Variants in SERPINH1 observed in about 807,000 individuals in gnomAD.
The protein encoded by SERPINH1 is serpin family H member 1.
Under a neutral mutation model 32.3 loss-of-function variants are expected in SERPINH1, and 22 were observed. The observed-to-expected ratio is 0.68, with a 90% confidence interval of 0.49 to 0.97. The LOEUF (loss-of-function observed/expected upper bound fraction) is 0.97. Among genes scored for constraint, SERPINH1 ranks in the 50% least tolerant of loss-of-function variants. The pLI is 0.00. For synonymous variants in SERPINH1, 251 were observed against 245.9 expected, an observed-to-expected ratio of 1.02 and a Z score of -0.19; for missense variants, 543 against 576.4, an observed-to-expected ratio of 0.94 and a Z score of 0.59.
intron 2 of SERPINH1, among the ~76,000 whole-genome samples, chr11:75,567,259 A>G (rs1175935523): frequency 6.6e-6 from 1 of 152,252 alleles, no homozygotes; most frequent in Non-Finnish European, 1.5e-5. Flanking sequence ...CTTGGAATGA[A>G]TAACATTTAA....
Position 75,569,036 on chromosome 11 carries a change from T to G in SERPINH1, c.819T>G (p.His273Gln). ...KLSSLIILMP[H>Q]HVEPLERLEK... is the part of the protein sequence containing the mutation. ...CCAGCCTCATCATCCTCATGCCCCATCACGTGGAGCCTCTCGAGCGCCTTG... is the reference window on the plus strand; with the variant it reads ...CCAGCCTCATCATCCTCATGCCCCAGCACGTGGAGCCTCTCGAGCGCCTTG... Residue 273 changes from histidine to glutamine, a missense_variant, in exon 4 of 5, where the codon CAT (histidine) becomes CAG (glutamine). Coordinates refer to ENST00000358171, the MANE Select transcript of SERPINH1 (RefSeq NM_001235.5). The G allele has an allele frequency of 6.2e-7, 1 of 1,614,148 alleles. No homozygotes were observed. Among genetic ancestry groups the G allele is most frequent in the South Asian group, 1.1e-5 (1 of 91,076 alleles).
chr11:75,570,292 A>G (rs2135556199), intron 4 of SERPINH1, among the ~76,000 whole-genome samples: 1 of 152,286 alleles, frequency 6.6e-6, no homozygotes, highest in East Asian at 1.9e-4. Flanking sequence ...AAAGCTGGAG[A>G]TGAAGTGGGG....
intron 4 of SERPINH1, 83 bp downstream of exon 4, chr11:75,569,254 G>A (rs1942156177): frequency 1.9e-6 from 2 of 1,027,648 alleles, no homozygotes; most frequent in East Asian, 2.6e-5. Flanking sequence ...AATTCAGCAG[G>A]TCTGTCCCAA....
chr11:75,566,716 G>T lies in SERPINH1; in HGVS notation c.367G>T (p.Ala123Ser), dbSNP rs749500041. 46 of 1,612,352 alleles carry T rather than the reference G, an allele frequency of 2.9e-5. No homozygotes were observed. Among genetic ancestry groups the T allele is most frequent in the Non-Finnish European group, 3.7e-5 (44 of 1,179,542 alleles). Residue 123 changes from alanine (A) to serine (S), a missense_variant, in exon 2 of 5, where the codon GCG (alanine) becomes TCG (serine). Ala to Ser is a moderately conservative substitution (Grantham distance 99, BLOSUM62 1). Transcript: ENST00000358171. ...GCTGCGCTCACTCAGCAACTCCACGGCGCGCAACGTGACCTGGAAGCTGGG... is the reference window on the plus strand; with the variant it reads ...GCTGCGCTCACTCAGCAACTCCACGTCGCGCAACGTGACCTGGAAGCTGGG... ...ELLRSLSNST[A>S]RNVTWKLGSR...
chr11:75,571,690 G>A, intron 4 of SERPINH1, 91 bp from the exon 5 acceptor site: 1 of 1,217,108 alleles, frequency 8.2e-7, no homozygotes, highest in Non-Finnish European at 1.2e-6. Context: ...TCCTCTCTGA[G>A]GAGCGGTCAG....
Position 75,562,258 on chromosome 11 carries a change from T to C in SERPINH1, c.-96T>C, listed in dbSNP as rs1198680534. 6.6e-6 allele frequency: 1 copy of C among 151,188 alleles called. No homozygotes were observed. The highest frequency in any genetic ancestry group is 1.5e-5 in the Non-Finnish European group (1 of 67,860). 9.4% of individuals were successfully genotyped at this position (151,188 alleles called of 1,614,324 possible). ...CGGGAGCAGGGGAGCGGGCTAAGAGTAGAATCGTGTCGCGGCTCGAGAGCG... is the reference window on the plus strand; with the variant it reads ...CGGGAGCAGGGGAGCGGGCTAAGAGCAGAATCGTGTCGCGGCTCGAGAGCG... On this transcript the variant is annotated 5_prime_UTR_variant, in exon 1 of 5. Coordinates refer to ENST00000358171, the MANE Select transcript of SERPINH1 (RefSeq NM_001235.5).
chr11:75,569,354 A>G (rs1942157841), intron 4 of SERPINH1, 183 bp downstream of exon 4: 2 of 602,948 alleles, frequency 3.3e-6, no homozygotes. Context: ...AGATGATGAT[A>G]ATACCAGCAG....
At chr11:75,569,827 C>G (rs1942167082) in intron 4 of SERPINH1, among the ~76,000 whole-genome samples, 1 of 152,152 alleles carries the variant, frequency 6.6e-6, no homozygotes, top group Non-Finnish European at 1.5e-5. Flanking sequence ...GGTTAAGTAA[C>G]CTGTGCAAAG....
intron 2 of SERPINH1, 71 bp downstream of exon 2, chr11:75,567,042 C>T (rs1190969476): frequency 6.7e-7 from 1 of 1,488,538 alleles, no homozygotes; most frequent in Non-Finnish European, 9.1e-7. Flanking sequence ...GGACGACATT[C>T]CGTGCGCTCC....
At position 75,568,849 on chromosome 11, in the gene SERPINH1, G is replaced by C. The variant is rs1295479978; in HGVS notation, c.721+20G>C. 6.2e-7 allele frequency: 1 copy of C among 1,609,774 alleles called. No homozygotes were observed. The highest frequency in any genetic ancestry group is 8.5e-7 in the Non-Finnish European group (1 of 1,176,038). On this transcript the variant is annotated intron_variant, in intron 3 of 4. Transcript: ENST00000358171. The stretch of plus-strand genomic sequence containing the variant: ...GGACAGGTAGGTGCTGTGAGGAGCA[G>C]GGTGTCAAGGTGGGTGGGGGTCCAA...
chr11:75,566,870 A>C lies in SERPINH1; in HGVS notation c.521A>C (p.Asn174Thr). Residue 174 changes from asparagine (N) to threonine (T), a missense_variant, in exon 2 of 5, where the codon AAC becomes ACC. This residue lies in a region of SERPINH1 where 427 missense variants were observed against 446.4 expected (regional missense o/e 0.96). Coordinates refer to ENST00000358171, the MANE Select transcript of SERPINH1 (RefSeq NM_001235.5). ...RDKRSALQSI[N>T]EWAAQTTDGK... is the part of the protein sequence containing the mutation. ...AAGCGCAGCGCGCTGCAGTCCATCA[A>C]CGAGTGGGCCGCGCAGACCACCGAC... 6.2e-7 allele frequency: 1 copy of C among 1,610,992 alleles called. No homozygotes were observed. The highest frequency in any genetic ancestry group is 8.5e-7 in the Non-Finnish European group (1 of 1,179,934).
intron 2 of SERPINH1, among the ~76,000 whole-genome samples, chr11:75,567,601 T>C (rs1233020810): frequency 6.6e-6 from 1 of 152,166 alleles, no homozygotes; most frequent in African/African-American, 2.4e-5. Context: ...GGATTACAGG[T>C]GCGAGCCACC....
chr11:75,566,564 T>TG lies in SERPINH1; in HGVS notation c.217dup (p.Val73GlyfsTer72). 1 of 1,610,366 alleles carries TG rather than the reference T, an allele frequency of 6.2e-7. No individual in the cohort carries two copies. The highest frequency in any genetic ancestry group is 2.2e-5 in the East Asian group (1 of 44,826). On this transcript the variant is annotated frameshift_variant, in exon 2 of 5. Transcript: ENST00000358171. LOFTEE classifies it high-confidence loss of function. ...GTGGAGAACATCCTGGTGTCACCCG[T>TG]GGTGGTGGCCTCGTCGCTAGGGCTC...
At chr11:75,563,277 T>A (rs1356967424) in intron 1 of SERPINH1, 4 of 152,312 alleles carry the variant, frequency 2.6e-5, no homozygotes, top group Non-Finnish European at 5.9e-5. Context: ...CTGGTCCCTC[T>A]GGGCTGTACG....
Position 75,569,076 on chromosome 11 carries a change from A to C in SERPINH1, c.859A>C (p.Lys287Gln), listed in dbSNP as rs1265806916. ...PLERLEKLLTKEQLKIWMGKM... is the reference protein window; with the variant it reads ...PLERLEKLLTQEQLKIWMGKM... ...CGAGCGCCTTGAAAAGCTGCTAACC[A>C]AAGAGCAGCTGAAGATCTGGATGGG... The change falls in exon 4 of 5, where the codon AAA (lysine) becomes CAA (glutamine). Residue 287 changes from lysine to glutamine, a missense_variant. This residue lies in a region of SERPINH1 where 427 missense variants were observed against 446.4 expected (regional missense o/e 0.96). Coordinates refer to ENST00000358171, the MANE Select transcript of SERPINH1 (RefSeq NM_001235.5). The C allele has an allele frequency of 6.2e-7, 1 of 1,614,212 alleles. No individual in the cohort carries two copies. Among genetic ancestry groups the C allele is most frequent in the Non-Finnish European group, 8.5e-7 (1 of 1,180,018 alleles).
Position 75,566,490 on chromosome 11 carries a change from C to T in SERPINH1, c.141C>T (p.Ser47=), listed in dbSNP as rs1942077445. The part of the protein sequence containing the change: ...SPKAATLAER[S]AGLAFSLYQA... ...AGGCGGCCACGCTTGCCGAGCGCAG[C>T]GCCGGCCTGGCCTTCAGCTTGTACC... The change falls in exon 2 of 5, where the codon AGC becomes AGT. Residue 47 remains serine, a synonymous_variant. Coordinates refer to ENST00000358171, the MANE Select transcript of SERPINH1 (RefSeq NM_001235.5). The T allele has an allele frequency of 6.2e-7, 1 of 1,612,238 alleles. No homozygotes were observed. Among genetic ancestry groups the T allele is most frequent in the African/African-American group, 1.3e-5 (1 of 74,934 alleles).
Position 75,571,891 on chromosome 11 carries a change from C to T in SERPINH1, c.1065C>T (p.Thr355=), listed in dbSNP as rs554388551. The T allele has an allele frequency of 1.1e-5, 18 of 1,614,244 alleles. No individual in the cohort carries two copies. The highest frequency in any genetic ancestry group is 5.3e-5 in the African/African-American group (4 of 75,076). Residue 355 remains threonine, a synonymous_variant, in exon 5 of 5, where the codon ACC becomes ACT. Coordinates refer to ENST00000358171, the MANE Select transcript of SERPINH1 (RefSeq NM_001235.5). ...DLYLASVFHA[T]AFELDTDGNP... is the part of the protein sequence containing the mutation. ...ACCTGGCCAGCGTGTTCCACGCCAC[C>T]GCCTTTGAGTTGGACACAGATGGCA...
intron 1 of SERPINH1, among the ~76,000 whole-genome samples, chr11:75,566,074 C>A (rs899422774): frequency 6.6e-6 from 1 of 152,228 alleles, no homozygotes; most frequent in Non-Finnish European, 1.5e-5. Context: ...GAAGTGTTGG[C>A]TGGCCGATGC....
rs548813317 is a variant in SERPINH1 at position 75,571,696 on chromosome 11, G to A, written c.955-85G>A. 134 of 1,305,706 alleles carry A rather than the reference G, an allele frequency of 1.0e-4. 1 individual carries two copies. Among genetic ancestry groups the A allele is most frequent in the Admixed American group, 2.1e-4 (12 of 57,670 alleles). The allele number at this position is 1,305,706 out of a possible 1,614,324, so 80.9% of individuals were successfully genotyped here. A position where few individuals can be genotyped will look rare whatever the true frequency, so the allele number is the denominator to read the frequency against. ...GTGGTTCTCTCCTCTCTGAGGAGCGGTCAGGGTAGTATGGGGTGGAGGGTT... is the reference window on the plus strand; with the variant it reads ...GTGGTTCTCTCCTCTCTGAGGAGCGATCAGGGTAGTATGGGGTGGAGGGTT... On this transcript the variant is annotated intron_variant, in intron 4 of 4. Transcript: ENST00000358171.
Sources: gnomAD v4.1 joint callset for allele counts (sites outside exome capture counted in the v4.1 genomes callset) on GRCh38, gnomAD v4.1.1 for gene constraint, gnomAD v4.1.1 regional missense constraint, MANE v1.5 for transcripts, NCBI Gene and HGNC (gene_info 2026-07-23, HGNC 2026-07-21) for gene names.